Variants in PREX1 observed in about 807,000 individuals in gnomAD.
The protein encoded by PREX1 is phosphatidylinositol 3,4,5-trisphosphate-dependent Rac exchanger 1 protein.
In PREX1, 41 loss-of-function variants were observed where a neutral mutation model predicts 198.3. The ratio of observed to expected loss-of-function variants is 0.21; its 90% CI spans 0.16 to 0.27. PREX1 has a LOEUF of 0.27. Among genes scored for constraint, PREX1 ranks in the 10% least tolerant of loss-of-function variants. PREX1 has a pLI of 1.00. For synonymous variants in PREX1, 843 were observed against 887.2 expected, an observed-to-expected ratio of 0.95 and a Z score of 0.89; for missense variants, 1,620 against 2,200.7, an observed-to-expected ratio of 0.74 and a Z score of 5.28.
chr20:48,685,455 G>T (rs1223347638), intron 10 of PREX1, among the ~76,000 whole-genome samples: 1 of 152,188 alleles, frequency 6.6e-6, no homozygotes, highest in Non-Finnish European at 1.5e-5. Context: ...CACACGTCAC[G>T]TGTTCTCTCA....
chr20:48,658,273 G>T, intron 16 of PREX1, 45 bp from the exon 17 acceptor site: 2 of 1,594,634 alleles, frequency 1.3e-6, no homozygotes, highest in African/African-American at 1.3e-5. Flanking sequence ...AGCGAGGTGG[G>T]CCTACGGCCA....
intron 3 of PREX1, among the ~76,000 whole-genome samples, chr20:48,739,773 G>A (rs1446220256): frequency 6.6e-6 from 1 of 152,186 alleles, no homozygotes; most frequent in Non-Finnish European, 1.5e-5. Flanking sequence ...CAGCCTGACT[G>A]TGTCAGCTCA....
At chr20:48,707,996 G>A (rs553662479) in intron 6 of PREX1, among the ~76,000 whole-genome samples, 5 of 152,184 alleles carry the variant, frequency 3.3e-5, no homozygotes, top group Admixed American at 6.5e-5. Flanking sequence ...ACAGGGGGTG[G>A]TGGGGACTGA....
At chr20:48,846,754 G>T in the PREX1 span, among the ~76,000 whole-genome samples, 1 of 152,182 alleles carries the variant, frequency 6.6e-6, no homozygotes, top group South Asian at 2.1e-4. Flanking sequence ...CCATGGATGG[G>T]GTGCCTGGGA....
At chr20:48,680,963 TA>T (rs2089745339) in intron 11 of PREX1, among the ~76,000 whole-genome samples, 2 of 152,212 alleles carry the variant, frequency 1.3e-5, no homozygotes, top group Non-Finnish European at 2.9e-5. Flanking sequence ...GCTGAATAAC[TA>T]AAACTTAACC....
At chr20:48,801,091 G>C (rs2090384718) in intron 1 of PREX1, among the ~76,000 whole-genome samples, 1 of 152,174 alleles carries the variant, frequency 6.6e-6, no homozygotes, top group Non-Finnish European at 1.5e-5. Flanking sequence ...TCCCTCACAG[G>C]CTGCAGTGAG....
At chr20:48,845,989 A>T in the PREX1 span, among the ~76,000 whole-genome samples, 1 of 152,166 alleles carries the variant, frequency 6.6e-6, no homozygotes, top group Non-Finnish European at 1.5e-5. Context: ...AATAAAAATG[A>T]TCACAGCTAA....
At chr20:48,706,656 G>A (rs890624772) in intron 6 of PREX1, among the ~76,000 whole-genome samples, 1 of 152,228 alleles carries the variant, frequency 6.6e-6, no homozygotes, top group Non-Finnish European at 1.5e-5. Context: ...AGAGAAAGAA[G>A]AGGCTCACCA....
chr20:48,672,118 T>A (rs989264780), intron 14 of PREX1, among the ~76,000 whole-genome samples: 1 of 152,160 alleles, frequency 6.6e-6, no homozygotes, highest in African/African-American at 2.4e-5. Flanking sequence ...ACACTGGAAG[T>A]GGCTTTTACT....
the PREX1 span, among the ~76,000 whole-genome samples, chr20:48,867,511 T>C: frequency 6.6e-6 from 1 of 152,088 alleles, no homozygotes; most frequent in East Asian, 2.0e-4. Context: ...CCTAGAACTT[T>C]TGTTGGTCAA....
At chr20:48,824,637 T>C (rs2090500987) in intron 1 of PREX1, among the ~76,000 whole-genome samples, 1 of 152,238 alleles carries the variant, frequency 6.6e-6, no homozygotes, top group Non-Finnish European at 1.5e-5. Flanking sequence ...TAAAAACCTA[T>C]AAAATAGGAC....
At chr20:48,842,962 AC>A in the PREX1 span, among the ~76,000 whole-genome samples, 3 of 152,192 alleles carry the variant, frequency 2.0e-5, no homozygotes, top group African/African-American at 7.2e-5. Flanking sequence ...CGGGGCTAGC[AC>A]AGAGCCTGGC....
At chr20:48,693,002 G>A (rs1455011274) in intron 7 of PREX1, among the ~76,000 whole-genome samples, 1 of 152,192 alleles carries the variant, frequency 6.6e-6, no homozygotes, top group Non-Finnish European at 1.5e-5. Flanking sequence ...CTGGAAAACA[G>A]GCTAATAGCC....
At chr20:48,661,436 AAAAAAAAAAT>A (rs2089591299) in intron 15 of PREX1, among the ~76,000 whole-genome samples, 1 of 96,060 alleles carries the variant, frequency 1.0e-5, no homozygotes, top group Non-Finnish European at 1.8e-5. Context: ...AAAAAAAAAA[AAAAAAAAAAT>A]ATATATATAT....
the PREX1 span, among the ~76,000 whole-genome samples, chr20:48,861,833 C>A: frequency 6.6e-6 from 1 of 152,102 alleles, no homozygotes; most frequent in Non-Finnish European, 1.5e-5. Context: ...TTGGGATTCC[C>A]AGCAGGAAAG....
intron 14 of PREX1, 59 bp downstream of exon 14, chr20:48,676,134 A>G (rs2089707217): frequency 5.3e-6 from 8 of 1,504,520 alleles, no homozygotes; most frequent in South Asian, 2.3e-5. Flanking sequence ...CAAAACAGAA[A>G]GCCCCACACT....
Position 48,726,275 on chromosome 20 carries a change from A to G in PREX1, c.621+15T>C, listed in dbSNP as rs1396617571. The G allele has an allele frequency of 1.2e-6, 2 of 1,601,612 alleles. No individual in the cohort carries two copies. The highest frequency in any genetic ancestry group is 1.7e-4 in the Middle Eastern group (1 of 6,034). On this transcript the variant is annotated intron_variant, in intron 5 of 39. Coordinates refer to ENST00000371941, the MANE Select transcript of PREX1 (RefSeq NM_020820.4). ...CAAAGAGTTTTCTGTCACTTCAAATACGGGAAAGTCTCACCTTAAGGAGGA... is the reference window on the plus strand; with the variant it reads ...CAAAGAGTTTTCTGTCACTTCAAATGCGGGAAAGTCTCACCTTAAGGAGGA...
chr20:48,713,907 A>C (rs1169602868), intron 5 of PREX1, among the ~76,000 whole-genome samples: 1 of 151,946 alleles, frequency 6.6e-6, no homozygotes, highest in East Asian at 1.9e-4. Context: ...AATGCATATC[A>C]AAAAAAATTG....
chr20:48,753,667 C>T (rs1464450085), intron 1 of PREX1, among the ~76,000 whole-genome samples: 1 of 152,220 alleles, frequency 6.6e-6, no homozygotes, highest in Non-Finnish European at 1.5e-5. Context: ...GCTCTTCTCA[C>T]CCCACTGGCT....
Sources: gnomAD v4.1 joint callset for allele counts (sites outside exome capture counted in the v4.1 genomes callset) on GRCh38, gnomAD v4.1.1 for gene constraint, MANE v1.5 for transcripts, NCBI Gene and HGNC (gene_info 2026-07-23, HGNC 2026-07-21) for gene names.